GOLGA4: variants seen among roughly 807,000 people sequenced by gnomAD.
GOLGA4 encodes golgin A4.
GOLGA4 carries 169 observed loss-of-function variants against 265.9 expected under a neutral mutation model. That is an observed-to-expected ratio of 0.64 (90% CI 0.56 to 0.72). GOLGA4 has a LOEUF of 0.72. Among genes scored for constraint, GOLGA4 ranks in the 30% least tolerant of loss-of-function variants. The pLI, the probability that GOLGA4 is intolerant of heterozygous loss-of-function variation, is 0.00. For synonymous variants in GOLGA4, 923 were observed against 855.8 expected (o/e 1.08, Z -1.37); for missense variants, 2,482 against 2,483.4 (o/e 1.00, Z 0.01).
At chr3:37,346,082 G>A (rs1202055089) in intron 20 of GOLGA4, among the ~76,000 whole-genome samples, 1 of 152,108 alleles carries the variant, frequency 6.6e-6, no homozygotes, top group Non-Finnish European at 1.5e-5. Flanking sequence ...TTACTCAGGG[G>A]AAATAATGTG....
At chr3:37,328,128 T>TTA (rs2096977833) in intron 14 of GOLGA4, among the ~76,000 whole-genome samples, 2 of 151,942 alleles carry the variant, frequency 1.3e-5, no homozygotes, top group Non-Finnish European at 2.9e-5. Flanking sequence ...AGCATTATTA[T>TTA]TATATAACAT....
intron 10 of GOLGA4, among the ~76,000 whole-genome samples, chr3:37,311,722 C>T (rs1352259565): frequency 6.6e-6 from 1 of 152,146 alleles, no homozygotes; most frequent in Non-Finnish European, 1.5e-5. Context: ...ATGAAAAGAA[C>T]TGTGAAACCA....
chr3:37,257,847 T>C (rs901885935), intron 2 of GOLGA4, among the ~76,000 whole-genome samples: 3 of 147,510 alleles, frequency 2.0e-5, no homozygotes, highest in Non-Finnish European at 3.0e-5. Context: ...AACTTTCATA[T>C]TGTTTTTAAA....
At chr3:37,279,548 T>G (rs999123716) in intron 2 of GOLGA4, among the ~76,000 whole-genome samples, 6 of 152,338 alleles carry the variant, frequency 3.9e-5, no homozygotes, top group African/African-American at 1.4e-4. Context: ...TCATGTGCTT[T>G]ACTTGCTGTG....
intron 2 of GOLGA4, among the ~76,000 whole-genome samples, chr3:37,252,061 A>G (rs2096735413): frequency 6.6e-6 from 1 of 152,232 alleles, no homozygotes; most frequent in Non-Finnish European, 1.5e-5. Context: ...CAAGCTGGTG[A>G]GTGGAAACTG....
At chr3:37,306,501 C>CTG (rs35641880) in intron 10 of GOLGA4, among the ~76,000 whole-genome samples, 10,416 of 140,096 alleles carry the variant, frequency 0.074, 327 homozygotes, top group South Asian at 0.095. Flanking sequence ...TGGCTGTTCT[C>CTG]TGTGTGTGTG....
chr3:37,334,770 TGAGGAGAGA>T (rs2097003967), intron 16 of GOLGA4, among the ~76,000 whole-genome samples: 2 of 151,982 alleles, frequency 1.3e-5, no homozygotes, highest in South Asian at 4.2e-4. Context: ...CTTTTTGGGA[TGAGGAGAGA>T]GGGAGTGAGG....
At position 37,355,142 on chromosome 3, in the gene GOLGA4, T is replaced by C. The variant is rs529236372; in HGVS notation, c.6618T>C (p.Asp2206=). The change falls in exon 22 of 24, where the codon GAT becomes GAC. Residue 2206 remains aspartate, a synonymous_variant. Coordinates refer to ENST00000361924, the MANE Select transcript of GOLGA4 (RefSeq NM_002078.5). ...KVITTVLKFP[D]DQTQKILERE... is the part of the protein sequence containing the mutation. The stretch of plus-strand genomic sequence containing the variant: ...TAACCACCGTACTGAAGTTCCCTGA[T>C]GATCAGACTCAGAAAATTTTGGAAA... 9 of 1,609,512 alleles carry C rather than the reference T, an allele frequency of 5.6e-6. No homozygotes were observed. Among genetic ancestry groups the C allele is most frequent in the South Asian group, 4.4e-5 (4 of 90,988 alleles).
chr3:37,287,923 A>G (rs1389329406), intron 4 of GOLGA4, among the ~76,000 whole-genome samples: 1 of 152,070 alleles, frequency 6.6e-6, no homozygotes, highest in Non-Finnish European at 1.5e-5. Flanking sequence ...GAAGCTCCAG[A>G]TTACCCTATT....
At position 37,325,723 on chromosome 3, in the gene GOLGA4, A is replaced by G. The variant is rs201526409; in HGVS notation, c.3837A>G (p.Arg1279=). ...TTTCTGAATTAGAAGCACAACTTAG[A>G]CAGTTGACAGAGGAGCAAAATACAC... is the stretch of plus-strand genomic sequence containing the variant. ...CTVSELEAQL[R]QLTEEQNTLN... is the part of the protein sequence containing the mutation. The change falls in exon 14 of 24, where the codon AGA becomes AGG. Residue 1279 remains arginine (R), a synonymous_variant. Coordinates refer to ENST00000361924, the MANE Select transcript of GOLGA4 (RefSeq NM_002078.5). 4 of 1,613,442 alleles carry G rather than the reference A, an allele frequency of 2.5e-6. No homozygotes were observed. Among genetic ancestry groups the G allele is most frequent in the East Asian group, 2.2e-5 (1 of 44,862 alleles).
intron 11 of GOLGA4, among the ~76,000 whole-genome samples, chr3:37,317,193 CAG>C (rs1559419144): frequency 6.6e-6 from 1 of 151,984 alleles, no homozygotes; most frequent in South Asian, 2.1e-4. Flanking sequence ...TTTTTTGAGA[CAG>C]AGTCTTGCTC....
intron 9 of GOLGA4, among the ~76,000 whole-genome samples, chr3:37,300,768 T>G (rs1202276308): frequency 6.6e-6 from 1 of 152,198 alleles, no homozygotes; most frequent in Non-Finnish European, 1.5e-5. Flanking sequence ...TGATCACATC[T>G]AAAAATTTAA....
At chr3:37,276,444 C>G in intron 2 of GOLGA4, 2 of 1,610,476 alleles carry the variant, frequency 1.2e-6, no homozygotes. Context: ...CATCAGATGG[C>G]CAAGACTGGT....
intron 5 of GOLGA4, among the ~76,000 whole-genome samples, chr3:37,293,699 G>A (rs535830701): frequency 1.4e-4 from 22 of 152,188 alleles, no homozygotes; most frequent in Non-Finnish European, 2.5e-4. Context: ...AATCAGTGAA[G>A]GACAAAGAGG....
At chr3:37,298,412 G>A (rs1185069042) in intron 7 of GOLGA4, among the ~76,000 whole-genome samples, 1 of 152,112 alleles carries the variant, frequency 6.6e-6, no homozygotes, top group African/African-American at 2.4e-5. Flanking sequence ...CCAATTTATC[G>A]ATCTGGGTGT....
chr3:37,359,480 A>G (rs2097098935), intron 22 of GOLGA4, among the ~76,000 whole-genome samples: 1 of 152,212 alleles, frequency 6.6e-6, no homozygotes, highest in East Asian at 1.9e-4. Context: ...ATGTAATGAC[A>G]TAAATGGACA....
intron 10 of GOLGA4, among the ~76,000 whole-genome samples, chr3:37,313,022 G>C (rs1287748639): frequency 1.3e-5 from 2 of 152,090 alleles, no homozygotes; most frequent in Admixed American, 6.5e-5. Flanking sequence ...GGCCAATATG[G>C]TGAAACCCTG....
At position 37,362,491 on chromosome 3, in the gene GOLGA4, C is replaced by T. The variant is rs1223021633; in HGVS notation, c.*33+1186C>T. Among the ~76,000 whole-genome samples, 32 of 151,360 alleles carry T rather than the reference C, an allele frequency of 2.1e-4. No homozygotes were observed. In the East Asian group the frequency reaches 2.4e-3, roughly 11 times the overall value. On this transcript the variant is annotated intron_variant, in intron 23 of 23. Transcript: ENST00000361924. ...TCCTGACCTCGTGATCCGCCCGCCT[C>T]GGCCTCCCAAAGTGCTGGGATTACA...
intron 2 of GOLGA4, among the ~76,000 whole-genome samples, chr3:37,268,140 G>A (rs2096788548): frequency 6.6e-6 from 1 of 152,064 alleles, no homozygotes; most frequent in Non-Finnish European, 1.5e-5. Context: ...GGAATGCAGT[G>A]GTACAATCAC....
Sources: allele counts gnomAD v4.1 joint callset (sites outside exome capture counted in the v4.1 genomes callset), GRCh38; gene constraint gnomAD v4.1.1; transcripts MANE v1.5; gene names NCBI Gene and HGNC (gene_info 2026-07-23, HGNC 2026-07-21).